RAPGEF6: variants seen among roughly 807,000 people sequenced by gnomAD.
RAPGEF6 encodes PDZ domain containing guanine nucleotide exchange factor (GEF) 2.
A neutral mutation model predicts 171.4 loss-of-function variants in RAPGEF6; 56 were observed. The observed-to-expected ratio is 0.33, with a 90% CI of 0.26 to 0.41. RAPGEF6 has a LOEUF of 0.41. Among genes scored for constraint, RAPGEF6 ranks in the 10% least tolerant of loss-of-function variants. The pLI is 1.00. For synonymous variants in RAPGEF6, 692 were observed against 650.1 expected (o/e 1.06, Z -0.98); for missense variants, 1,674 against 1,921.4 (o/e 0.87, Z 2.41).
chr5:131,508,029 T>C (rs1007963120), intron 9 of RAPGEF6, 42 bp downstream of exon 9: 9 of 1,451,806 alleles, frequency 6.2e-6, no homozygotes, highest in Non-Finnish European at 8.3e-6. Flanking sequence ...TTTTAAAAGT[T>C]AGTATCCATA....
chr5:131,544,837 C>T (rs1262184603), intron 6 of RAPGEF6, among the ~76,000 whole-genome samples: 2 of 152,160 alleles, frequency 1.3e-5, no homozygotes, highest in Non-Finnish European at 2.9e-5. Context: ...CAAGCGCCAC[C>T]ATGTCTGGCT....
At chr5:131,492,812 T>C in intron 13 of RAPGEF6, 27 bp from the exon 14 acceptor site, 2 of 1,572,526 alleles carry the variant, frequency 1.3e-6, no homozygotes, top group Non-Finnish European at 8.8e-7. Flanking sequence ...GATAAATGTA[T>C]ATAAATGTAT....
At chr5:131,516,909 T>C (rs1180734976) in intron 7 of RAPGEF6, among the ~76,000 whole-genome samples, 1 of 152,214 alleles carries the variant, frequency 6.6e-6, no homozygotes, top group Non-Finnish European at 1.5e-5. Flanking sequence ...GGGCTTTTAT[T>C]TTTAGACCAG....
intron 9 of RAPGEF6, 121 bp from the exon 10 acceptor site, chr5:131,505,643 T>C (rs1757326990): frequency 6.9e-6 from 6 of 866,008 alleles, no homozygotes; most frequent in African/African-American, 1.7e-5. Flanking sequence ...GATCTGGTTA[T>C]ATTACCAAAC....
At chr5:131,557,726 G>A (rs780982537) in intron 5 of RAPGEF6, among the ~76,000 whole-genome samples, 6 of 152,048 alleles carry the variant, frequency 3.9e-5, no homozygotes, top group African/African-American at 1.2e-4. Context: ...AATCATGAAC[G>A]GGTTCTGATT....
chr5:131,623,420 T>C (rs1172534288), intron 1 of RAPGEF6, among the ~76,000 whole-genome samples: 3 of 151,736 alleles, frequency 2.0e-5, no homozygotes, highest in Admixed American at 6.6e-5. Context: ...ACACTTTAAA[T>C]ATTAGACCAG....
intron 3 of RAPGEF6, among the ~76,000 whole-genome samples, chr5:131,596,071 T>C (rs1484248724): frequency 6.6e-6 from 1 of 151,330 alleles, no homozygotes; most frequent in South Asian, 2.1e-4. Flanking sequence ...CAAGAATCGC[T>C]TGAACACAGG....
intron 21 of RAPGEF6, among the ~76,000 whole-genome samples, 187 bp downstream of exon 21, chr5:131,452,867 T>A (rs528260930): frequency 1.4e-4 from 22 of 152,312 alleles, no homozygotes; most frequent in Non-Finnish European, 2.5e-4. Flanking sequence ...TTAATATGTA[T>A]AACGAAGGCT....
chr5:131,587,590 T>C (rs887814479), intron 4 of RAPGEF6, among the ~76,000 whole-genome samples: 2 of 152,002 alleles, frequency 1.3e-5, no homozygotes, highest in African/African-American at 4.8e-5. Context: ...AACTAGAGAG[T>C]TGTTGGAACT....
intron 4 of RAPGEF6, among the ~76,000 whole-genome samples, chr5:131,585,227 C>T (rs1470208284): frequency 6.7e-6 from 1 of 149,984 alleles, no homozygotes; most frequent in African/African-American, 2.5e-5. Context: ...TCCAGGTAGA[C>T]TACAGATTTA....
At chr5:131,521,820 T>G (rs1758497789) in intron 6 of RAPGEF6, among the ~76,000 whole-genome samples, 2 of 148,184 alleles carry the variant, frequency 1.3e-5, no homozygotes, top group Non-Finnish European at 3.0e-5. Flanking sequence ...CCTGTCCATT[T>G]AAGGGTAGGA....
intron 1 of RAPGEF6, among the ~76,000 whole-genome samples, chr5:131,633,175 T>C (rs1766421256): frequency 6.6e-6 from 1 of 151,744 alleles, no homozygotes; most frequent in Admixed American, 6.6e-5. Flanking sequence ...CTACTAAAAA[T>C]ACAAAAATTA....
chr5:131,587,482 G>A (rs891962804), intron 4 of RAPGEF6, among the ~76,000 whole-genome samples: 1 of 152,188 alleles, frequency 6.6e-6, no homozygotes, highest in Non-Finnish European at 1.5e-5. Context: ...GATATGGGTA[G>A]TGATTAGACA....
At chr5:131,564,682 TA>T (rs1454234575) in intron 4 of RAPGEF6, among the ~76,000 whole-genome samples, 1 of 151,826 alleles carries the variant, frequency 6.6e-6, no homozygotes, top group African/African-American at 2.4e-5. Context: ...AAACAACCAA[TA>T]AAAACAGACC....
chr5:131,427,085 C>T lies in RAPGEF6; in HGVS notation c.*181G>A. 1 of 671,054 alleles carries T rather than the reference C, an allele frequency of 1.5e-6. No individual in the cohort carries two copies. Among genetic ancestry groups the T allele is most frequent in the Non-Finnish European group, 2.6e-6 (1 of 380,276 alleles). 41.6% of individuals were successfully genotyped at this position (671,054 alleles called of 1,614,324 possible). A position where few individuals can be genotyped will look rare whatever the true frequency, so the allele number is the denominator to read the frequency against. On this transcript the variant is annotated 3_prime_UTR_variant, in exon 28 of 28. Coordinates refer to ENST00000509018, the MANE Select transcript of RAPGEF6 (RefSeq NM_016340.6). ...CATTGCTCAGGAAACTATTTATCTG[C>T]AGAAATTAAATGAAAGGAAGCATAA...
At chr5:131,580,291 C>T (rs1762870683) in intron 4 of RAPGEF6, among the ~76,000 whole-genome samples, 1 of 152,218 alleles carries the variant, frequency 6.6e-6, no homozygotes, top group Non-Finnish European at 1.5e-5. Context: ...AAGCCCCTTA[C>T]TGCCCAGGGC....
At chr5:131,625,060 G>A (rs1431987006) in intron 1 of RAPGEF6, among the ~76,000 whole-genome samples, 3 of 152,064 alleles carry the variant, frequency 2.0e-5, no homozygotes, top group African/African-American at 4.8e-5. Context: ...TCAGCAGTTC[G>A]AGACCAGCCT....
intron 1 of RAPGEF6, among the ~76,000 whole-genome samples, chr5:131,617,321 A>C (rs1437146456): frequency 6.6e-6 from 1 of 151,934 alleles, no homozygotes; most frequent in African/African-American, 2.4e-5. Context: ...AAAAAACCCA[A>C]TTTGGACTCT....
At chr5:131,441,667 A>G (rs2149813457) in intron 23 of RAPGEF6, among the ~76,000 whole-genome samples, 1 of 152,316 alleles carries the variant, frequency 6.6e-6, no homozygotes, top group African/African-American at 2.4e-5. Flanking sequence ...CACCAGACTG[A>G]AAATCTGGTC....
Sources: gnomAD v4.1 joint callset for allele counts (sites outside exome capture counted in the v4.1 genomes callset) on GRCh38, gnomAD v4.1.1 for gene constraint, MANE v1.5 for transcripts, NCBI Gene and HGNC (gene_info 2026-07-23, HGNC 2026-07-21) for gene names.